Variants in IQGAP1 observed in about 807,000 individuals in gnomAD.
IQGAP1 encodes the protein ras GTPase-activating-like protein IQGAP1.
IQGAP1 carries 66 observed loss-of-function variants against 215.6 expected under a neutral mutation model. The ratio of observed to expected loss-of-function variants is 0.31; its 90% CI spans 0.25 to 0.38. IQGAP1 has a LOEUF of 0.38. Among genes scored for constraint, IQGAP1 ranks in the 10% least tolerant of loss-of-function variants. The pLI is 1.00. For synonymous variants in IQGAP1, 772 were observed against 728.7 expected (o/e 1.06, Z -0.96); for missense variants, 1,712 against 1,997.1 (o/e 0.86, Z 2.72).
At chr15:90,473,997 A>G (rs766316286) in intron 21 of IQGAP1, 30 bp downstream of exon 21, 2 of 1,612,000 alleles carry the variant, frequency 1.2e-6, no homozygotes, top group African/African-American at 1.3e-5. Context: ...ACAGGCCATT[A>G]GGGGCAATTT....
chr15:90,407,133 G>A (rs761192238), intron 2 of IQGAP1, among the ~76,000 whole-genome samples: 1 of 152,166 alleles, frequency 6.6e-6, no homozygotes, highest in Non-Finnish European at 1.5e-5. Context: ...CAACGTAGAA[G>A]CTGAGGAACC....
At chr15:90,399,442 G>A (rs572060185) in intron 2 of IQGAP1, among the ~76,000 whole-genome samples, 109 of 152,198 alleles carry the variant, frequency 7.2e-4, no homozygotes, top group African/African-American at 2.5e-3. Context: ...GGGTCATGAT[G>A]TTAACTTTTG....
At chr15:90,425,745 T>C (rs2657947) in intron 2 of IQGAP1, among the ~76,000 whole-genome samples, 87,367 of 152,098 alleles carry the variant, frequency 0.57, 26,888 homozygotes, top group East Asian at 0.83. Flanking sequence ...ACAGTTGAAA[T>C]GGTGGCTTCA....
At chr15:90,441,481 TTTG>T (rs1567127177) in intron 7 of IQGAP1, 22 bp from the exon 8 acceptor site, 1 of 1,585,874 alleles carries the variant, frequency 6.3e-7, no homozygotes, top group East Asian at 2.2e-5. Flanking sequence ...TTTTTGTTGG[TTTG>T]TTTTTTTGTT....
intron 2 of IQGAP1, among the ~76,000 whole-genome samples, chr15:90,416,505 G>C (rs548187514): frequency 1.2e-4 from 18 of 151,930 alleles, no homozygotes; most frequent in African/African-American, 4.3e-4. Flanking sequence ...GGTTGAAGCA[G>C]TTTACAGTCC....
intron 2 of IQGAP1, among the ~76,000 whole-genome samples, chr15:90,402,589 G>A (rs141329897): frequency 6.6e-6 from 1 of 152,300 alleles, no homozygotes; most frequent in Non-Finnish European, 1.5e-5. Context: ...GCAGCAGAAG[G>A]AAATAGTATT....
chr15:90,449,406 C>T (rs1411055985), intron 10 of IQGAP1, among the ~76,000 whole-genome samples, 153 bp from the exon 11 acceptor site: 1 of 152,150 alleles, frequency 6.6e-6, no homozygotes, highest in East Asian at 1.9e-4. Flanking sequence ...TTGGCTCTAC[C>T]TGGGGCTGCC....
chr15:90,431,400 C>T (rs1057476222), intron 4 of IQGAP1: 8 of 152,118 alleles, frequency 5.3e-5, no homozygotes, highest in Non-Finnish European at 1.2e-4. Flanking sequence ...TAAAATATTA[C>T]ACTGTGCACC....
At chr15:90,489,014 A>G (rs972767538) in intron 33 of IQGAP1, among the ~76,000 whole-genome samples, 17 of 151,978 alleles carry the variant, frequency 1.1e-4, no homozygotes, top group African/African-American at 4.1e-4. Context: ...ATTAGAGCAG[A>G]TGTAGTTGAG....
chr15:90,436,473 ATTAATAAT>A (rs1432792044), intron 5 of IQGAP1, among the ~76,000 whole-genome samples: 3 of 152,182 alleles, frequency 2.0e-5, no homozygotes, highest in Non-Finnish European at 4.4e-5. Flanking sequence ...CAGGGTCTTT[ATTAATAAT>A]CTTTGAGATT....
In IQGAP1 at chr15:90,473,923, G is replaced by A. The variant is rs1200701738; in HGVS notation, c.2461G>A (p.Ala821Thr). The change falls in exon 21 of 38, where the codon GCT becomes ACT. Residue 821 changes from alanine (A) to threonine (T), a missense_variant. Coordinates refer to ENST00000268182, the MANE Select transcript of IQGAP1 (RefSeq NM_003870.4). The part of the protein sequence containing the change: ...KIQSLARMHQ[A>T]RKRYRDRLQY... The stretch of plus-strand genomic sequence containing the variant: ...TCAGTCCCTGGCAAGGATGCACCAA[G>A]CTCGAAAGCGCTATCGAGATCGCCT... 1 of 1,613,870 alleles carries A rather than the reference G, an allele frequency of 6.2e-7. No individual in the cohort carries two copies. Among genetic ancestry groups the A allele is most frequent in the African/African-American group, 1.3e-5 (1 of 74,866 alleles).
chr15:90,410,440 T>C (rs1486445040), intron 2 of IQGAP1, among the ~76,000 whole-genome samples: 7 of 152,210 alleles, frequency 4.6e-5, no homozygotes, highest in Non-Finnish European at 1.0e-4. Context: ...CCAACCCAAA[T>C]GTCCATCAGT....
chr15:90,425,342 A>G (rs1044782786), intron 2 of IQGAP1, among the ~76,000 whole-genome samples: 1 of 152,066 alleles, frequency 6.6e-6, no homozygotes, highest in East Asian at 1.9e-4. Context: ...AAAAAAAACC[A>G]TTGCCATAAA....
intron 1 of IQGAP1, among the ~76,000 whole-genome samples, chr15:90,390,203 A>G (rs976851156): frequency 6.6e-6 from 1 of 152,230 alleles, no homozygotes; most frequent in African/African-American, 2.4e-5. Context: ...TGAAGGAAGC[A>G]GATTGCTTCA....
intron 19 of IQGAP1, 23 bp from the exon 20 acceptor site, chr15:90,473,692 T>A: frequency 2.6e-6 from 4 of 1,546,020 alleles, no homozygotes; most frequent in Non-Finnish European, 3.6e-6. Flanking sequence ...TAATATGTCT[T>A]CTGTAACATT....
Position 90,433,745 on chromosome 15 carries a change from C to G in IQGAP1, c.417C>G (p.Ile139Met). 1 of 1,605,996 alleles carries G rather than the reference C, an allele frequency of 6.2e-7. No individual in the cohort carries two copies. The highest frequency in any genetic ancestry group is 8.5e-7 in the Non-Finnish European group (1 of 1,174,312). The change falls in exon 5 of 38, where the codon ATC (isoleucine) becomes ATG (methionine). Residue 139 changes from isoleucine to methionine, a missense_variant. Physicochemically the swap from Ile to Met is conservative, Grantham distance 10 (BLOSUM62 1). Around this residue, in one of 2 missense-constraint regions of IQGAP1, gnomAD observed 1,021 missense variants for 1,074.2 expected, o/e 0.95. Coordinates refer to ENST00000268182, the MANE Select transcript of IQGAP1 (RefSeq NM_003870.4). Reference protein sequence around the residue: ...PKIFYPETTDIYDRKNMPRCI... With the variant: ...PKIFYPETTDMYDRKNMPRCI... ...TTTTTTACCCAGAAACTACAGATATCTATGATCGAAAGAACATGCCAAGAT... is the reference window on the plus strand; with the variant it reads ...TTTTTTACCCAGAAACTACAGATATGTATGATCGAAAGAACATGCCAAGAT...
chr15:90,496,985 G>T, intron 36 of IQGAP1: 1 of 323,076 alleles, frequency 3.1e-6, no homozygotes, highest in Non-Finnish European at 5.7e-6. Context: ...CTCCTCAGTG[G>T]TTCCTCTTTG....
intron 2 of IQGAP1, among the ~76,000 whole-genome samples, chr15:90,413,098 G>A (rs931364902): frequency 6.6e-6 from 1 of 152,148 alleles, no homozygotes; most frequent in Admixed American, 6.5e-5. Context: ...AGAGTGGGTA[G>A]GGCCAAGTAT....
chr15:90,414,195 C>T (rs1407885243), intron 2 of IQGAP1, among the ~76,000 whole-genome samples: 1 of 151,938 alleles, frequency 6.6e-6, no homozygotes, highest in Non-Finnish European at 1.5e-5. Context: ...TGACTCATGC[C>T]TGTAATCCCA....
Sources: allele counts gnomAD v4.1 joint callset (sites outside exome capture counted in the v4.1 genomes callset), GRCh38; gene constraint gnomAD v4.1.1; regional missense constraint gnomAD v4.1.1; transcripts MANE v1.5; gene names NCBI Gene and HGNC (gene_info 2026-07-23, HGNC 2026-07-21).